Variants in DIAPH1 observed in about 807,000 individuals in gnomAD.
The protein encoded by DIAPH1 is protein diaphanous homolog 1.
DIAPH1 carries 46 observed loss-of-function variants against 140.7 expected under a neutral mutation model. The ratio of observed to expected loss-of-function variants is 0.33; its 90% confidence interval spans 0.26 to 0.42. The LOEUF is 0.42. Among genes scored for constraint, DIAPH1 ranks in the 10% least tolerant of loss-of-function variants. The pLI, the probability that DIAPH1 is intolerant of heterozygous loss-of-function variation, is 1.00. For synonymous variants in DIAPH1, 565 were observed against 551.6 expected (o/e 1.02, Z -0.34); for missense variants, 1,310 against 1,558.7 (o/e 0.84, Z 2.69).
At chr5:141,614,190 C>A (rs2099902282) in intron 1 of DIAPH1, among the ~76,000 whole-genome samples, 1 of 152,122 alleles carries the variant, frequency 6.6e-6, no homozygotes, top group Non-Finnish European at 1.5e-5. Flanking sequence ...TAAATAATTT[C>A]AGCTACTGGG....
At chr5:141,518,764 C>G in intron 27 of DIAPH1, 1 of 652,572 alleles carries the variant, frequency 1.5e-6, no homozygotes, top group Non-Finnish European at 2.7e-6. Context: ...CTCAAGCAAT[C>G]CTCCCACCTT....
chr5:141,616,663 G>A (rs545302498), intron 1 of DIAPH1, among the ~76,000 whole-genome samples: 14 of 152,296 alleles, frequency 9.2e-5, no homozygotes, highest in South Asian at 8.3e-4. Context: ...CCTTGAGATA[G>A]GTTACATTTG....
At chr5:141,610,854 C>G (rs1218004143) in intron 1 of DIAPH1, among the ~76,000 whole-genome samples, 3 of 151,294 alleles carry the variant, frequency 2.0e-5, no homozygotes, top group Non-Finnish European at 4.4e-5. Context: ...GTAGGAGGAT[C>G]ACTTGAGCCC....
At chr5:141,572,577 G>A (rs947728621) in intron 16 of DIAPH1, among the ~76,000 whole-genome samples, 3 of 152,094 alleles carry the variant, frequency 2.0e-5, no homozygotes, top group Admixed American at 6.6e-5. Flanking sequence ...CAAGGTGGGC[G>A]GATCACAAGG....
intron 18 of DIAPH1, chr5:141,561,996 C>T (rs539727694): frequency 3.3e-5 from 5 of 152,226 alleles, no homozygotes; most frequent in Non-Finnish European, 5.9e-5. Flanking sequence ...GTATCACACT[C>T]GAGTGAAGTC....
intron 18 of DIAPH1, among the ~76,000 whole-genome samples, chr5:141,542,681 T>A (rs925409602): frequency 1.3e-5 from 2 of 152,158 alleles, no homozygotes; most frequent in African/African-American, 4.8e-5. Flanking sequence ...CTGGTGATTG[T>A]TAGGAGCTAA....
chr5:141,549,602 C>T (rs944052071), intron 18 of DIAPH1, among the ~76,000 whole-genome samples: 11 of 152,192 alleles, frequency 7.2e-5, no homozygotes, highest in Middle Eastern at 3.4e-3. Context: ...ATGTATACAG[C>T]ATATTTGCCA....
intron 1 of DIAPH1, among the ~76,000 whole-genome samples, chr5:141,616,847 G>C (rs1248324378): frequency 6.6e-6 from 1 of 152,138 alleles, no homozygotes; most frequent in Admixed American, 6.5e-5. Context: ...CCTCTCTAAA[G>C]CAAATACCTA....
intron 18 of DIAPH1, among the ~76,000 whole-genome samples, chr5:141,555,817 T>C (rs985672932): frequency 1.3e-5 from 2 of 152,192 alleles, no homozygotes; most frequent in Non-Finnish European, 2.9e-5. Flanking sequence ...CCAGGATCCG[T>C]ATTTCTAGCT....
chr5:141,573,694 G>A lies in DIAPH1; in HGVS notation c.2156C>T (p.Pro719Leu), dbSNP rs770966255. ...AGGGATTCCAGGACCACCAGGAAGA[G>A]GGGGAGGAGGAGGTGGCATTCCTGC... ...GEAGMPPPPPPLPGGPGIPPP... is the reference protein window; with the variant it reads ...GEAGMPPPPPLLPGGPGIPPP... Residue 719 changes from proline (P) to leucine (L), a missense_variant, in exon 16 of 28, where the codon CCT (proline) becomes CTT (leucine). Physicochemically the swap from Pro to Leu is moderately conservative, Grantham distance 98. Coordinates refer to ENST00000389054, the MANE Select transcript of DIAPH1 (RefSeq NM_005219.5). 1.9e-5 allele frequency: 31 copies of A among 1,602,928 alleles called. No homozygotes were observed. In the East Asian group the frequency reaches 6.7e-4, roughly 35 times the overall value.
intron 1 of DIAPH1, among the ~76,000 whole-genome samples, chr5:141,616,641 A>T (rs181946130): frequency 3.9e-5 from 6 of 152,326 alleles, no homozygotes; most frequent in African/African-American, 1.2e-4. Flanking sequence ...AGGAAGAAAG[A>T]ATATTCTGAT....
intron 1 of DIAPH1, 123 bp downstream of exon 1, chr5:141,618,675 G>C: frequency 1.5e-6 from 1 of 646,404 alleles, no homozygotes; most frequent in African/African-American, 1.9e-5. Flanking sequence ...CGGACCGAGC[G>C]AAACGAGGAA....
At chr5:141,610,497 C>T (rs1160232013) in intron 1 of DIAPH1, among the ~76,000 whole-genome samples, 1 of 152,068 alleles carries the variant, frequency 6.6e-6, no homozygotes, top group Non-Finnish European at 1.5e-5. Flanking sequence ...GACGGGGTTT[C>T]ACCATGTTGG....
chr5:141,577,682 G>C (rs1267639504), intron 11 of DIAPH1, 91 bp from the exon 12 acceptor site: 7 of 830,916 alleles, frequency 8.4e-6, no homozygotes, highest in Non-Finnish European at 1.5e-5. Context: ...CTAGGGAAAA[G>C]TAGCAAGACA....
chr5:141,561,708 A>AAT (rs2099893569), intron 18 of DIAPH1: 1 of 152,220 alleles, frequency 6.6e-6, no homozygotes, highest in African/African-American at 2.4e-5. Context: ...ATTTGTTTTT[A>AAT]ATATGAAACA....
chr5:141,524,478 G>A (rs774259111), intron 26 of DIAPH1: 23 of 533,346 alleles, frequency 4.3e-5, no homozygotes, highest in South Asian at 1.4e-4. Flanking sequence ...ATATTTTCCC[G>A]CAATGCCATC....
Position 141,529,158 on chromosome 5 carries a change from C to A in DIAPH1, c.2778+14G>T. On this transcript the variant is annotated intron_variant, in intron 21 of 27. Coordinates refer to ENST00000389054, the MANE Select transcript of DIAPH1 (RefSeq NM_005219.5). ...GGAGGTGGAAAACCGCTTACTGCCA[C>A]AGGCCTCACTCACCACCACGCCAAA... The A allele has an allele frequency of 6.2e-7, 1 of 1,611,644 alleles. No individual in the cohort carries two copies. The highest frequency in any genetic ancestry group is 8.5e-7 in the Non-Finnish European group (1 of 1,177,694).
At chr5:141,569,625 G>A (rs1238014263) in intron 18 of DIAPH1, among the ~76,000 whole-genome samples, 1 of 152,060 alleles carries the variant, frequency 6.6e-6, no homozygotes, top group East Asian at 1.9e-4. Flanking sequence ...AGCTGGACAT[G>A]ATGGTGGGTG....
chr5:141,524,135 T>C lies in DIAPH1; in HGVS notation c.3661+8A>G, dbSNP rs757441986. 18 of 1,613,778 alleles carry C rather than the reference T, an allele frequency of 1.1e-5. No homozygotes were observed. In the East Asian group the frequency reaches 4.0e-4, roughly 36 times the overall value. On this transcript the variant is annotated splice_region_variant and intron_variant, in intron 27 of 27. Coordinates refer to ENST00000389054, the MANE Select transcript of DIAPH1 (RefSeq NM_005219.5). ...GACACCCAGGATGAGCTCCATGTGC[T>C]TACTTACCTTGACGGGGCCCTCTCT...
Sources: gnomAD v4.1 joint callset for allele counts (sites outside exome capture counted in the v4.1 genomes callset) on GRCh38, gnomAD v4.1.1 for gene constraint, MANE v1.5 for transcripts, NCBI Gene and HGNC (gene_info 2026-07-23, HGNC 2026-07-21) for gene names.